Variants in FPR3 observed in about 807,000 individuals in gnomAD.
FPR3 encodes the protein N-formyl peptide receptor 3.
For missense variants in FPR3, 346 were observed against 443.2 expected (o/e 0.78, Z 1.97); for synonymous variants, 135 against 163.6 (o/e 0.83, Z 1.34).
Position 51,824,514 on chromosome 19 carries a change from C to T in FPR3, c.766C>T (p.Pro256Ser), listed in dbSNP as rs2084217079. 6.2e-7 allele frequency: 1 copy of T among 1,613,974 alleles called. No individual in the cohort carries two copies. The highest frequency in any genetic ancestry group is 8.5e-7 in the Non-Finnish European group (1 of 1,179,964). Residue 256 changes from proline (P) to serine (S), a missense_variant, in exon 2 of 2, where the codon CCT becomes TCT. Physicochemically the swap from Pro to Ser is moderately conservative, Grantham distance 74 (BLOSUM62 -1). Coordinates refer to ENST00000339223, the MANE Select transcript of FPR3 (RefSeq NM_002030.5). This position sits in a 1 kb window ranked among gnomAD's most constrained non-coding sequence, Gnocchi z 4.7. The stretch of plus-strand genomic sequence containing the variant: ...GGCTTCTTTCTTCATCTGTTGGTTC[C>T]CTTATGAACTAATTGGCATTCTAAT... ...VVASFFICWF[P>S]YELIGILMAV...
At position 51,806,010 on chromosome 19, in the gene FPR3, T is replaced by A. The variant is rs770150132; in HGVS notation, c.-11+10679T>A. Among the ~76,000 whole-genome samples the A allele has an allele frequency of 3.9e-5, 6 of 152,276 alleles. No individual in the cohort carries two copies. The South Asian group carries it at 1.2e-3, about 32-fold the overall frequency. On this transcript the variant is annotated intron_variant, in intron 1 of 1. Transcript: ENST00000339223. The stretch of plus-strand genomic sequence containing the variant: ...AATGCAGTGATATAACTGGCAAGAT[T>A]TACAGGTCAACTGGGTATTGTTTAC...
At chr19:51,799,055 C>T (rs902195073) in intron 1 of FPR3, among the ~76,000 whole-genome samples, 1 of 151,700 alleles carries the variant, frequency 6.6e-6, no homozygotes, top group Non-Finnish European at 1.5e-5. Flanking sequence ...TGCAGTGAGC[C>T]GAGATCACAC....
Position 51,824,066 on chromosome 19 carries a change from C to A in FPR3, c.318C>A (p.Asp106Glu). 1.2e-6 allele frequency: 2 copies of A among 1,614,152 alleles called. No homozygotes were observed. The highest frequency in any genetic ancestry group is 1.7e-6 in the Non-Finnish European group (2 of 1,180,016). The change falls in exon 2 of 2, where the codon GAC (aspartate) becomes GAA (glutamate). Residue 106 changes from aspartate (D) to glutamate (E), a missense_variant. By Grantham distance (45) the Asp-to-Glu change is conservative. Transcript: ENST00000339223. The surrounding 1 kb of genome is among the most constrained non-coding windows in gnomAD (Gnocchi z 4.7). ...FLCKLVHVMIDINLFVSVYLI... is the reference protein window; with the variant it reads ...FLCKLVHVMIEINLFVSVYLI... ...GTAAGTTAGTTCATGTTATGATAGA[C>A]ATCAACCTGTTTGTCAGTGTCTACC...
At chr19:51,800,191 C>A (rs1223075784) in intron 1 of FPR3, among the ~76,000 whole-genome samples, 1 of 152,204 alleles carries the variant, frequency 6.6e-6, no homozygotes, top group Non-Finnish European at 1.5e-5. Flanking sequence ...GAGGCCAGTG[C>A]CTCCTTGGTT....
At chr19:51,799,786 AG>A (rs1010275618) in intron 1 of FPR3, among the ~76,000 whole-genome samples, 1 of 152,130 alleles carries the variant, frequency 6.6e-6, no homozygotes, top group Non-Finnish European at 1.5e-5. Context: ...GGCCCCTGAC[AG>A]GGGGCCACTA....
At chr19:51,804,845 C>T (rs976125928) in intron 1 of FPR3, 1 of 152,132 alleles carries the variant, frequency 6.6e-6, no homozygotes, top group African/African-American at 2.4e-5. Context: ...GGCACCTTGC[C>T]TCTAGTGGAC....
chr19:51,796,858 G>C (rs779731712), intron 1 of FPR3, among the ~76,000 whole-genome samples: 1 of 152,198 alleles, frequency 6.6e-6, no homozygotes, highest in Non-Finnish European at 1.5e-5. Flanking sequence ...AGACTTGAGT[G>C]CCAGGGAGAG....
intron 1 of FPR3, among the ~76,000 whole-genome samples, chr19:51,803,305 C>T (rs2084036827): frequency 6.6e-6 from 1 of 152,130 alleles, no homozygotes. Flanking sequence ...CTAACAACTG[C>T]CTAATGACTT....
At chr19:51,815,526 G>A (rs945673020) in intron 1 of FPR3, among the ~76,000 whole-genome samples, 14 of 149,958 alleles carry the variant, frequency 9.3e-5, no homozygotes, top group Admixed American at 2.0e-4. Context: ...CCAAGATCCC[G>A]CCACTGCACT....
At chr19:51,818,072 G>A (rs751044352) in intron 1 of FPR3, among the ~76,000 whole-genome samples, 14 of 151,154 alleles carry the variant, frequency 9.3e-5, no homozygotes, top group African/African-American at 2.7e-4. Context: ...GGACATGGAC[G>A]AAGCTGGAAA....
chr19:51,819,308 T>TA (rs1354498481), intron 1 of FPR3, among the ~76,000 whole-genome samples: 1 of 152,168 alleles, frequency 6.6e-6, no homozygotes. Flanking sequence ...AGGCCAGTGC[T>TA]AATAATTCAG....
intron 1 of FPR3, among the ~76,000 whole-genome samples, chr19:51,823,520 G>A (rs1170784704): frequency 6.6e-6 from 1 of 152,100 alleles, no homozygotes; most frequent in Non-Finnish European, 1.5e-5. Flanking sequence ...TTGGTAATCA[G>A]CTTGATAGGT....
rs2084230821 is a variant in FPR3 at position 51,826,139 on chromosome 19, T to C, written c.*1329T>C. On this transcript the variant is annotated 3_prime_UTR_variant, in exon 2 of 2. Transcript: ENST00000339223. ...ACATAATTATAAATTAGATTAAGTTTTCAATGTTAAGCTACCCTTGCATTT... is the reference window on the plus strand; with the variant it reads ...ACATAATTATAAATTAGATTAAGTTCTCAATGTTAAGCTACCCTTGCATTT... The C allele has an allele frequency of 6.5e-6, 1 of 152,872 alleles. No individual in the cohort carries two copies. The highest frequency in any genetic ancestry group is 6.5e-5 in the Admixed American group (1 of 15,282). The allele number at this position is 152,872 out of a possible 1,614,324, so 9.5% of individuals were successfully genotyped here.
Position 51,824,703 on chromosome 19 carries a change from A to G in FPR3, c.955A>G (p.Thr319Ala), listed in dbSNP as rs2084219075. ...AGAAAGACTGATTCGCTCTTTGCCC[A>G]CTAGTTTGGAGAGGGCCCTGACTGA... is the stretch of plus-strand genomic sequence containing the variant. ...FQERLIRSLPTSLERALTEVP... is the reference protein window; with the variant it reads ...FQERLIRSLPASLERALTEVP... The change falls in exon 2 of 2, where the codon ACT (threonine) becomes GCT (alanine). Residue 319 changes from threonine (T) to alanine (A), a missense_variant. By Grantham distance (58) the Thr-to-Ala change is moderately conservative (BLOSUM62 0). Transcript: ENST00000339223. The surrounding 1 kb of genome is among the most constrained non-coding windows in gnomAD (Gnocchi z 4.7). The G allele has an allele frequency of 6.2e-7, 1 of 1,613,866 alleles. No individual in the cohort carries two copies. The highest frequency in any genetic ancestry group is 8.5e-7 in the Non-Finnish European group (1 of 1,179,968).
At chr19:51,809,820 T>C (rs1009246855) in intron 1 of FPR3, among the ~76,000 whole-genome samples, 1 of 152,176 alleles carries the variant, frequency 6.6e-6, no homozygotes, top group Non-Finnish European at 1.5e-5. Context: ...CTTGTGTTCC[T>C]GGGGTGAGGG....
chr19:51,806,669 G>A (rs2084060958), intron 1 of FPR3, among the ~76,000 whole-genome samples: 1 of 152,186 alleles, frequency 6.6e-6, no homozygotes, highest in Non-Finnish European at 1.5e-5. Context: ...AGCATGACTA[G>A]TATAAGCAGG....
chr19:51,824,693 C>T lies in FPR3; in HGVS notation c.945C>T (p.Arg315=), dbSNP rs544698790. 85 of 1,614,112 alleles carry T rather than the reference C, an allele frequency of 5.3e-5. No individual in the cohort carries two copies. In the South Asian group the frequency reaches 8.2e-4, roughly 16 times the overall value. ...GTAACTTCCAAGAAAGACTGATTCG[C>T]TCTTTGCCCACTAGTTTGGAGAGGG... is the stretch of plus-strand genomic sequence containing the variant. ...MGRNFQERLI[R]SLPTSLERAL... The change falls in exon 2 of 2, where the codon CGC becomes CGT. Residue 315 remains arginine, a synonymous_variant. Transcript: ENST00000339223. This position sits in a 1 kb window ranked among gnomAD's most constrained non-coding sequence, Gnocchi z 4.7.
chr19:51,816,730 C>T (rs1281322788), intron 1 of FPR3, among the ~76,000 whole-genome samples: 1 of 152,144 alleles, frequency 6.6e-6, no homozygotes, highest in Non-Finnish European at 1.5e-5. Flanking sequence ...TGAAGACAGT[C>T]TTGTGGGAGT....
Position 51,824,677 on chromosome 19 carries a change from A to G in FPR3, c.929A>G (p.Gln310Arg). Reference protein sequence around the residue: ...ILYVFMGRNFQERLIRSLPTS... With the variant: ...ILYVFMGRNFRERLIRSLPTS... ...TACGTCTTTATGGGTCGTAACTTCC[A>G]AGAAAGACTGATTCGCTCTTTGCCC... Residue 310 changes from glutamine to arginine, a missense_variant, in exon 2 of 2, where the codon CAA becomes CGA. Transcript: ENST00000339223. The surrounding 1 kb of genome is among the most constrained non-coding windows in gnomAD (Gnocchi z 4.7). 6.2e-7 allele frequency: 1 copy of G among 1,614,078 alleles called. No individual in the cohort carries two copies. Among genetic ancestry groups the G allele is most frequent in the Non-Finnish European group, 8.5e-7 (1 of 1,180,002 alleles).
Sources: gnomAD v4.1 joint callset for allele counts (sites outside exome capture counted in the v4.1 genomes callset) on GRCh38, gnomAD v4.1.1 for gene constraint, Gnocchi (gnomAD v3.1) non-coding constraint, MANE v1.5 for transcripts, NCBI Gene and HGNC (gene_info 2026-07-23, HGNC 2026-07-21) for gene names.